The following SHANK2 variants were observed in gnomAD, a reference collection of about 807,000 sequenced individuals.
SHANK2 encodes SH3 and multiple ankyrin repeat domains protein 2.
SHANK2 carries 43 observed loss-of-function variants against 133.7 expected under a neutral mutation model. The observed-to-expected ratio is 0.32, with a 90% CI of 0.25 to 0.41. The LOEUF is 0.41. Among genes scored for constraint, SHANK2 ranks in the 10% least tolerant of loss-of-function variants. The pLI, the probability that SHANK2 is intolerant of heterozygous loss-of-function variation, is 1.00. For synonymous variants in SHANK2, 1,017 were observed against 952.8 expected, an observed-to-expected ratio of 1.07 and a Z score of -1.24; for missense variants, 1,994 against 2,235.8, an observed-to-expected ratio of 0.89 and a Z score of 2.18.
chr11:70,615,113 T>C (rs1002498875), intron 17 of SHANK2, among the ~76,000 whole-genome samples: 1 of 152,224 alleles, frequency 6.6e-6, no homozygotes, highest in Non-Finnish European at 1.5e-5. Context: ...AGGGGGATCA[T>C]GAACTCAACA....
chr11:71,096,006 G>A (rs781934815), intron 6 of SHANK2, among the ~76,000 whole-genome samples: 15 of 136,880 alleles, frequency 1.1e-4, no homozygotes, highest in East Asian at 3.9e-4. Flanking sequence ...CTAGAATGCC[G>A]TGTGTAGACA....
At chr11:70,948,721 G>C (rs1950790784) in intron 10 of SHANK2, among the ~76,000 whole-genome samples, 2 of 152,224 alleles carry the variant, frequency 1.3e-5, no homozygotes, top group Admixed American at 6.5e-5. Context: ...CCTTTCCAGA[G>C]GGGCCACGCT....
At chr11:70,481,682 T>C (rs2058735174) in intron 25 of SHANK2, among the ~76,000 whole-genome samples, 1 of 152,262 alleles carries the variant, frequency 6.6e-6, no homozygotes, top group Admixed American at 6.5e-5. Context: ...TTTTCCTCGG[T>C]AGGAATTCCC....
intron 11 of SHANK2, among the ~76,000 whole-genome samples, chr11:70,838,522 T>A (rs1396983829): frequency 6.6e-6 from 1 of 152,136 alleles, no homozygotes; most frequent in Non-Finnish European, 1.5e-5. Flanking sequence ...ATCTGAGGCT[T>A]TGTTGGGGGA....
rs188366544 is a variant in SHANK2 at position 70,683,042 on chromosome 11, C to T, written c.1853+15646G>A. On this transcript the variant is annotated intron_variant, in intron 15 of 25. Transcript: ENST00000601538. Reference sequence around the variant, plus strand: ...CCGCTGAGCCACATCCCCTGTAAGACGCTGTCTCCCTGATGGCCTCAGTTT... The same window carrying T: ...CCGCTGAGCCACATCCCCTGTAAGATGCTGTCTCCCTGATGGCCTCAGTTT... Among the ~76,000 whole-genome samples the T allele has an allele frequency of 4.2e-3, 639 of 152,308 alleles. 5 individuals are homozygous for T. Among genetic ancestry groups the T allele is most frequent in the Non-Finnish European group, 7.4e-3 (501 of 68,024 alleles).
At chr11:70,801,406 C>T (rs553146551) in intron 13 of SHANK2, among the ~76,000 whole-genome samples, 4 of 152,260 alleles carry the variant, frequency 2.6e-5, no homozygotes, top group African/African-American at 9.6e-5. Context: ...GGGGCCCCTT[C>T]TGGGTTTCTG....
At chr11:70,590,490 C>G (rs1320546235) in intron 17 of SHANK2, among the ~76,000 whole-genome samples, 1 of 152,148 alleles carries the variant, frequency 6.6e-6, no homozygotes, top group African/African-American at 2.4e-5. Flanking sequence ...AAGGAAAAGT[C>G]AATTGATGTG....
chr11:70,661,739 G>T, intron 15 of SHANK2, 61 bp from the exon 16 acceptor site: 1 of 1,614,112 alleles, frequency 6.2e-7, no homozygotes, highest in Non-Finnish European at 8.5e-7. Flanking sequence ...CACCGCGGCC[G>T]CTCCTCCGCC....
intron 2 of SHANK2, among the ~76,000 whole-genome samples, chr11:71,209,359 C>A (rs1349249151): frequency 1.1e-4 from 16 of 152,244 alleles, no homozygotes; most frequent in African/African-American, 3.9e-4. Context: ...CCCTCCCACG[C>A]CCTGCCTCAA....
chr11:70,579,018 C>T (rs1040389273), intron 17 of SHANK2, among the ~76,000 whole-genome samples: 8 of 152,178 alleles, frequency 5.3e-5, no homozygotes, highest in African/African-American at 1.9e-4. Flanking sequence ...GACGTGGGAA[C>T]CTGAACACAG....
At chr11:71,127,914 G>A (rs1455420047) in intron 3 of SHANK2, among the ~76,000 whole-genome samples, 1 of 152,174 alleles carries the variant, frequency 6.6e-6, no homozygotes, top group Non-Finnish European at 1.5e-5. Context: ...GACCTTCCAG[G>A]CTGCATACAA....
chr11:70,888,842 A>G (rs1300109227), intron 11 of SHANK2, among the ~76,000 whole-genome samples: 2 of 151,842 alleles, frequency 1.3e-5, no homozygotes, highest in African/African-American at 4.8e-5. Flanking sequence ...AAAAAGAGAG[A>G]AAGAGGATGA....
At chr11:71,070,112 G>C (rs1951124164) in intron 9 of SHANK2, among the ~76,000 whole-genome samples, 1 of 152,128 alleles carries the variant, frequency 6.6e-6, no homozygotes, top group Non-Finnish European at 1.5e-5. Context: ...CATTCCTCCT[G>C]GTCACTTACT....
chr11:71,117,520 G>A (rs782447314), intron 4 of SHANK2, among the ~76,000 whole-genome samples: 3 of 152,176 alleles, frequency 2.0e-5, no homozygotes, highest in Non-Finnish European at 4.4e-5. Flanking sequence ...TGGCCGGAAG[G>A]ATCAGACTAT....
intron 5 of SHANK2, among the ~76,000 whole-genome samples, chr11:71,112,414 T>C (rs4328239): frequency 0.95 from 144,707 of 152,290 alleles, 68,801 homozygotes; most frequent in Middle Eastern, 0.97. Flanking sequence ...AAAGAATCCT[T>C]GCATGCATCT....
At chr11:70,792,295 TCAACCAACCAACCAACCAACCAACCAAC>T (rs34682780) in intron 14 of SHANK2, among the ~76,000 whole-genome samples, 1 of 137,164 alleles carries the variant, frequency 7.3e-6, no homozygotes. Flanking sequence ...AAGCAATCAA[TCAACCAACCAACCAACCAACCAACCAAC>T]CAACCAACCA....
At chr11:71,134,505 T>A (rs1350750999) in intron 3 of SHANK2, among the ~76,000 whole-genome samples, 4 of 149,656 alleles carry the variant, frequency 2.7e-5, no homozygotes, top group African/African-American at 9.8e-5. Flanking sequence ...AGTGGCACGA[T>A]CTCGGCTCAC....
chr11:70,895,627 G>C (rs1555075544), intron 11 of SHANK2: 1 of 152,566 alleles, frequency 6.6e-6, no homozygotes, highest in African/African-American at 2.4e-5. Flanking sequence ...GGCAACCAGA[G>C]GGGAGCCGAG....
chr11:71,070,768 TTA>T (rs1372657896), intron 9 of SHANK2, among the ~76,000 whole-genome samples: 42 of 152,386 alleles, frequency 2.8e-4, no homozygotes, highest in African/African-American at 9.4e-4. Context: ...AGTTGAATCG[TTA>T]TGACGGAGTC....
Sources: allele counts gnomAD v4.1 joint callset (sites outside exome capture counted in the v4.1 genomes callset), GRCh38; gene constraint gnomAD v4.1.1; transcripts MANE v1.5; gene names NCBI Gene and HGNC (gene_info 2026-07-23, HGNC 2026-07-21).